Variants in KCNT2 observed in about 807,000 individuals in gnomAD.
KCNT2 encodes potassium sodium-activated channel subfamily T member 2.
A neutral mutation model predicts 153.8 loss-of-function variants in KCNT2; 67 were observed. That is an observed-to-expected ratio of 0.44 (90% CI 0.36 to 0.53). The LOEUF is 0.53. KCNT2 is among the 20% of genes least tolerant of loss of function. The pLI is 0.00. For missense variants in KCNT2, 975 were observed against 1,354.8 expected (o/e 0.72, Z 4.40); for synonymous variants, 500 against 458.8 (o/e 1.09, Z -1.15).
intron 5 of KCNT2, among the ~76,000 whole-genome samples, chr1:196,478,080 T>C (rs948256012): frequency 2.0e-5 from 3 of 152,238 alleles, no homozygotes; most frequent in African/African-American, 7.2e-5. Flanking sequence ...TTCTTAGTCT[T>C]ACTGCAGTAT....
At chr1:196,517,760 T>C (rs1652798221) in intron 1 of KCNT2, among the ~76,000 whole-genome samples, 2 of 151,944 alleles carry the variant, frequency 1.3e-5, no homozygotes, top group Admixed American at 1.3e-4. Context: ...CCAAGAAATA[T>C]GGGATTATGT....
chr1:196,393,783 C>T (rs1458597189), intron 13 of KCNT2, among the ~76,000 whole-genome samples: 1 of 151,522 alleles, frequency 6.6e-6, no homozygotes, highest in African/African-American at 2.4e-5. Context: ...GGTTCCACAA[C>T]ATGGAAGCAT....
chr1:196,405,721 G>A (rs1320746217), intron 12 of KCNT2, among the ~76,000 whole-genome samples: 1 of 151,414 alleles, frequency 6.6e-6, no homozygotes, highest in Non-Finnish European at 1.5e-5. Flanking sequence ...TACATCTGCA[G>A]CACTTGAAAA....
intron 1 of KCNT2, among the ~76,000 whole-genome samples, chr1:196,519,617 A>G (rs188430327): frequency 5.4e-4 from 82 of 152,266 alleles, no homozygotes; most frequent in African/African-American, 1.9e-3. Context: ...AGATATTACC[A>G]CTGTCCCCAC....
At chr1:196,389,614 A>T (rs1447369190) in intron 13 of KCNT2, among the ~76,000 whole-genome samples, 2 of 151,698 alleles carry the variant, frequency 1.3e-5, no homozygotes, top group Non-Finnish European at 3.0e-5. Flanking sequence ...AAGTTCTAAG[A>T]TGTCAAACCT....
chr1:196,468,775 T>A (rs897971188), intron 6 of KCNT2, among the ~76,000 whole-genome samples: 1 of 152,080 alleles, frequency 6.6e-6, no homozygotes, highest in Non-Finnish European at 1.5e-5. Flanking sequence ...CATATATCTC[T>A]TTAAAATATT....
intron 1 of KCNT2, among the ~76,000 whole-genome samples, chr1:196,563,370 G>T (rs182709469): frequency 3.3e-5 from 5 of 149,574 alleles, no homozygotes; most frequent in Admixed American, 1.3e-4. Flanking sequence ...TGTTTGGGTT[G>T]CCACCTGGAA....
At chr1:196,547,222 G>T (rs1318058338) in intron 1 of KCNT2, among the ~76,000 whole-genome samples, 1 of 151,880 alleles carries the variant, frequency 6.6e-6, no homozygotes, top group Non-Finnish European at 1.5e-5. Context: ...GGATGCTCAG[G>T]GTGGGAGATA....
intron 13 of KCNT2, among the ~76,000 whole-genome samples, chr1:196,379,711 T>A (rs1354140028): frequency 6.6e-6 from 1 of 152,142 alleles, no homozygotes; most frequent in Non-Finnish European, 1.5e-5. Context: ...CTGACTTAGA[T>A]CTTTCTTCAC....
chr1:196,245,322 C>T (rs1211029102), intron 26 of KCNT2, among the ~76,000 whole-genome samples: 2 of 152,042 alleles, frequency 1.3e-5, no homozygotes, highest in African/African-American at 2.4e-5. Flanking sequence ...AAGACCCTCT[C>T]TCTAAAAAAG....
chr1:196,280,818 C>A, intron 25 of KCNT2, 42 bp downstream of exon 25: 2 of 1,553,974 alleles, frequency 1.3e-6, no homozygotes, highest in South Asian at 2.2e-5. Context: ...TTGCACTCAT[C>A]AGATTAAACA....
chr1:196,425,238 C>T (rs751003181), intron 11 of KCNT2, among the ~76,000 whole-genome samples: 1 of 151,904 alleles, frequency 6.6e-6, no homozygotes, highest in Non-Finnish European at 1.5e-5. Context: ...TAACTTGTGA[C>T]AAATGTTTAA....
intron 22 of KCNT2, among the ~76,000 whole-genome samples, chr1:196,292,575 G>A (rs1660284511): frequency 6.6e-6 from 1 of 152,164 alleles, no homozygotes; most frequent in African/African-American, 2.4e-5. Flanking sequence ...GGGAGGCCGA[G>A]GCGGGCGGAT....
At chr1:196,325,170 G>T (rs1321782465) in intron 19 of KCNT2, among the ~76,000 whole-genome samples, 1 of 152,086 alleles carries the variant, frequency 6.6e-6, no homozygotes, top group African/African-American at 2.4e-5. Context: ...ATCAGGACAA[G>T]AAACTTTATC....
intron 23 of KCNT2, among the ~76,000 whole-genome samples, chr1:196,284,713 G>A (rs796621870): frequency 2.0e-5 from 3 of 152,088 alleles, no homozygotes; most frequent in East Asian, 3.9e-4. Flanking sequence ...GATAATAGGG[G>A]TATTTATTCT....
chr1:196,283,491 T>C (rs1179020960), intron 23 of KCNT2, among the ~76,000 whole-genome samples: 2 of 151,988 alleles, frequency 1.3e-5, no homozygotes, highest in African/African-American at 4.8e-5. Flanking sequence ...AATAGATAAA[T>C]AGAATCATTG....
chr1:196,274,949 G>A (rs921808142), intron 25 of KCNT2, among the ~76,000 whole-genome samples: 7 of 151,744 alleles, frequency 4.6e-5, no homozygotes, highest in African/African-American at 1.7e-4. Context: ...TTAATACTAT[G>A]TTATATGCTA....
chr1:196,240,354 T>A (rs1466709949), intron 26 of KCNT2, among the ~76,000 whole-genome samples: 1 of 151,970 alleles, frequency 6.6e-6, no homozygotes, highest in African/African-American at 2.4e-5. Flanking sequence ...AGGTTGTTGT[T>A]AGAATTAACA....
chr1:196,571,839 TG>T (rs1179652873), intron 1 of KCNT2, among the ~76,000 whole-genome samples: 1 of 152,086 alleles, frequency 6.6e-6, no homozygotes, highest in Non-Finnish European at 1.5e-5. Context: ...TGAGATTTCA[TG>T]AAACAGAAAT....
Sources: allele counts gnomAD v4.1 joint callset (sites outside exome capture counted in the v4.1 genomes callset), GRCh38; gene constraint gnomAD v4.1.1; transcripts MANE v1.5; gene names NCBI Gene and HGNC (gene_info 2026-07-23, HGNC 2026-07-21).